Variants in GFOD2 observed in about 807,000 individuals in gnomAD.
GFOD2 encodes the protein Gfo/Idh/MocA-like oxidoreductase domain containing 2, also known as glucose-fructose oxidoreductase domain-containing protein 2.
GFOD2 carries 9 observed loss-of-function variants against 24.6 expected under a neutral mutation model. The ratio of observed to expected loss-of-function variants is 0.37; its 90% CI spans 0.22 to 0.64. The LOEUF (loss-of-function observed/expected upper bound fraction) is 0.64. Among genes scored for constraint, GFOD2 ranks in the 30% least tolerant of loss-of-function variants. The pLI is 0.65. For missense variants in GFOD2, 476 were observed against 532.5 expected (o/e 0.89, Z 1.04); for synonymous variants, 211 against 224.8 (o/e 0.94, Z 0.55).
chr16:67,692,909 A>C (rs954107497), intron 1 of GFOD2, among the ~76,000 whole-genome samples: 17 of 151,560 alleles, frequency 1.1e-4, no homozygotes, highest in Non-Finnish European at 2.1e-4. Context: ...GGGCACCTGC[A>C]GTCCCAGCTA....
At chr16:67,680,630 G>T in intron 2 of GFOD2, 1 of 606,570 alleles carries the variant, frequency 1.6e-6, no homozygotes, top group Non-Finnish European at 2.1e-6. Flanking sequence ...TCTGTCATTT[G>T]TACTTATGGG....
At chr16:67,684,765 A>G (rs2142993596) in intron 2 of GFOD2, 1 of 983,300 alleles carries the variant, frequency 1.0e-6, no homozygotes, top group South Asian at 4.7e-5. Flanking sequence ...GTTCTGATTT[A>G]TATTAGATAA....
Position 67,685,428 on chromosome 16 carries a change from C to T in GFOD2, c.259+29G>A, listed in dbSNP as rs559721581. The T allele has an allele frequency of 1.1e-5, 17 of 1,614,008 alleles. No homozygotes were observed. In the East Asian group the frequency reaches 3.6e-4, roughly 34 times the overall value. The stretch of plus-strand genomic sequence containing the variant: ...GACTGCCCAGAGGGAGAGACATGAT[C>T]TGCCCCTGCTGTGGCCTGCCGGGCG... On this transcript the variant is annotated intron_variant, in intron 2 of 2. Transcript: ENST00000268797.
chr16:67,675,297 T>C lies in GFOD2; in HGVS notation c.1016A>G (p.Glu339Gly). ...CACGCTCTGCATGTACAGCCCATCC[T>C]CGAAGGAGGCGGCCATGGAGACAGG... ...RTPVSMAASF[E>G]DGLYMQSVVD... The change falls in exon 3 of 3, where the codon GAG (glutamate) becomes GGG (glycine). Residue 339 changes from glutamate (E) to glycine (G), a missense_variant. Transcript: ENST00000268797. 6.2e-7 allele frequency: 1 copy of C among 1,612,944 alleles called. No homozygotes were observed.
In GFOD2 at chr16:67,675,219, A is replaced by AC. The variant is rs770740515; in HGVS notation, c.1093dup (p.Val365GlyfsTer14). 2 of 1,613,794 alleles carry AC rather than the reference A, an allele frequency of 1.2e-6. No homozygotes were observed. The highest frequency in any genetic ancestry group is 3.3e-5 in the Admixed American group (2 of 60,022). On this transcript the variant is annotated frameshift_variant, in exon 3 of 3. Transcript: ENST00000268797. LOFTEE classifies it high-confidence loss of function. ...GTTGGTGTCGGGCTCCTCCGTCAGC[A>AC]CCTCCACAGCCTCCCACTCCCCGGA... is the stretch of plus-strand genomic sequence containing the variant.
Position 67,675,398 on chromosome 16 carries a change from C to T in GFOD2, c.915G>A (p.Lys305=). The change falls in exon 3 of 3, where the codon AAG becomes AAA. Residue 305 remains lysine (K), a synonymous_variant. Coordinates refer to ENST00000268797, the MANE Select transcript of GFOD2 (RefSeq NM_030819.4). The stretch of plus-strand genomic sequence containing the variant: ...AGGCCTGCACCATGTAGACCATGCC[C>T]TTCAGGTACAGCAGCGGGACATCCT... ...GPQDVPLLYL[K]GMVYMVQALR... The T allele has an allele frequency of 1.2e-6, 2 of 1,613,396 alleles. No homozygotes were observed. Among genetic ancestry groups the T allele is most frequent in the Non-Finnish European group, 1.7e-6 (2 of 1,179,974 alleles).
At chr16:67,709,727 A>T (rs2142997378) in intron 1 of GFOD2, among the ~76,000 whole-genome samples, 1 of 150,632 alleles carries the variant, frequency 6.6e-6, no homozygotes, top group South Asian at 2.1e-4. Context: ...CATTCCTCCC[A>T]CTTCAGCCCC....
At chr16:67,686,043 T>C (rs1410691024) in intron 1 of GFOD2, among the ~76,000 whole-genome samples, 2 of 151,584 alleles carry the variant, frequency 1.3e-5, no homozygotes, top group African/African-American at 2.4e-5. Context: ...GAGGCCGAGG[T>C]GGGAAGATCA....
rs2053170786 is a variant in GFOD2, at chr16:67,674,855, G to A, written c.*300C>T. The A allele has an allele frequency of 2.6e-6, 1 of 391,618 alleles. No homozygotes were observed. Among genetic ancestry groups the A allele is most frequent in the Non-Finnish European group, 4.7e-6 (1 of 215,038 alleles). The allele number at this position is 391,618 out of a possible 1,614,324, so 24.3% of individuals were successfully genotyped here. On this transcript the variant is annotated 3_prime_UTR_variant, in exon 3 of 3. Coordinates refer to ENST00000268797, the MANE Select transcript of GFOD2 (RefSeq NM_030819.4). Reference sequence around the variant, plus strand: ...CCCTGTTAGGACTGCGGATCAGGCTGAAGGGCTCCCCAGGGTGAGCCTTTC... The same window carrying A: ...CCCTGTTAGGACTGCGGATCAGGCTAAAGGGCTCCCCAGGGTGAGCCTTTC...
At chr16:67,695,668 T>C (rs1228595037) in intron 1 of GFOD2, among the ~76,000 whole-genome samples, 2 of 151,822 alleles carry the variant, frequency 1.3e-5, no homozygotes, top group Non-Finnish European at 2.9e-5. Flanking sequence ...CCCGAGTAGC[T>C]GGGATTACAG....
chr16:67,685,388 G>T, intron 2 of GFOD2, 69 bp downstream of exon 2: 1 of 1,604,576 alleles, frequency 6.2e-7, no homozygotes. Flanking sequence ...CAGAGGAGAG[G>T]AGTGACCCTC....
At chr16:67,684,006 G>T in intron 2 of GFOD2, 1 of 587,408 alleles carries the variant, frequency 1.7e-6, no homozygotes, top group African/African-American at 2.0e-5. Flanking sequence ...ACAGGGAGGG[G>T]TCCAATCTAA....
chr16:67,715,306 T>C (rs2053499291), intron 1 of GFOD2, among the ~76,000 whole-genome samples: 1 of 152,212 alleles, frequency 6.6e-6, no homozygotes, highest in Non-Finnish European at 1.5e-5. Flanking sequence ...GCGATCCACC[T>C]GCCTCAGCCT....
intron 1 of GFOD2, among the ~76,000 whole-genome samples, chr16:67,695,615 A>C (rs1308432274): frequency 6.7e-6 from 1 of 148,808 alleles, no homozygotes; most frequent in African/African-American, 2.5e-5. Context: ...GGCCCACTGC[A>C]ACCTCAGCCT....
intron 1 of GFOD2, among the ~76,000 whole-genome samples, chr16:67,705,319 T>G (rs1289248073): frequency 6.6e-6 from 1 of 152,158 alleles, no homozygotes; most frequent in Non-Finnish European, 1.5e-5. Context: ...GCAATTCCCC[T>G]GCCTCAGCCT....
chr16:67,688,996 C>T (rs1252750359), intron 1 of GFOD2, among the ~76,000 whole-genome samples: 2 of 151,310 alleles, frequency 1.3e-5, no homozygotes, highest in Non-Finnish European at 2.9e-5. Flanking sequence ...GCCTCAGCCT[C>T]CCGAAGTGCT....
chr16:67,683,918 T>G (rs1399164166), intron 2 of GFOD2: 1 of 1,099,888 alleles, frequency 9.1e-7, no homozygotes, highest in Non-Finnish European at 1.1e-6. Context: ...GCTAGTTGAA[T>G]TGTGACTATG....
chr16:67,689,849 G>A (rs556404454), intron 1 of GFOD2, among the ~76,000 whole-genome samples: 3 of 151,660 alleles, frequency 2.0e-5, no homozygotes, highest in African/African-American at 7.3e-5. Context: ...CACTACCCCC[G>A]CCCCAGCCCC....
rs1357707136 is a variant in GFOD2 at position 67,675,262 on chromosome 16, T to G, written c.1051A>C (p.Ile351Leu). The G allele has an allele frequency of 6.2e-7, 1 of 1,613,032 alleles. No individual in the cohort carries two copies. ...GLYMQSVVDA[I>L]KRSSRSGEWE... ...TCCCCGGATCGGCTCGACCTCTTGA[T>G]GGCATCCACCACGCTCTGCATGTAC... Residue 351 changes from isoleucine (I) to leucine (L), a missense_variant, in exon 3 of 3, where the codon ATC becomes CTC. Coordinates refer to ENST00000268797, the MANE Select transcript of GFOD2 (RefSeq NM_030819.4).
Sources: allele counts gnomAD v4.1 joint callset (sites outside exome capture counted in the v4.1 genomes callset), GRCh38; gene constraint gnomAD v4.1.1; transcripts MANE v1.5; gene names NCBI Gene and HGNC (gene_info 2026-07-23, HGNC 2026-07-21).